Variants in NECAB1 observed in about 807,000 individuals in gnomAD.
NECAB1 encodes N-terminal EF-hand calcium-binding protein 1.
Under a neutral mutation model 57.5 loss-of-function variants are expected in NECAB1, and 29 were observed. That is an observed-to-expected ratio of 0.50 (90% CI 0.38 to 0.69). The LOEUF is 0.69. Ranked by LOEUF, NECAB1 falls within the 30% of genes least tolerant of loss-of-function variation. The pLI, the probability that NECAB1 is intolerant of heterozygous loss-of-function variation, is 0.00. For missense variants in NECAB1, 372 were observed against 413.8 expected, an observed-to-expected ratio of 0.90 and a Z score of 0.88; for synonymous variants, 142 against 147.7, an observed-to-expected ratio of 0.96 and a Z score of 0.28.
intron 3 of NECAB1, among the ~76,000 whole-genome samples, chr8:90,852,728 AAGAC>A (rs2129781837): frequency 6.6e-6 from 1 of 152,270 alleles, no homozygotes; most frequent in Admixed American, 6.5e-5. Context: ...AATCTGGCCA[AAGAC>A]AGTCAGACTT....
chr8:90,890,699 C>T (rs1809141416), intron 5 of NECAB1, among the ~76,000 whole-genome samples: 3 of 152,276 alleles, frequency 2.0e-5, no homozygotes, highest in South Asian at 4.1e-4. Flanking sequence ...AAACTATCAG[C>T]TTTCAAACAA....
At chr8:90,915,895 TGAA>T (rs1024146653) in intron 5 of NECAB1, among the ~76,000 whole-genome samples, 6 of 152,200 alleles carry the variant, frequency 3.9e-5, no homozygotes, top group African/African-American at 1.4e-4. Flanking sequence ...AGAAGAAAGA[TGAA>T]GGCCAGAAGA....
intron 1 of NECAB1, 56 bp downstream of exon 1, chr8:90,792,041 G>A: frequency 1.4e-6 from 2 of 1,403,158 alleles, no homozygotes; most frequent in African/African-American, 1.4e-5. Flanking sequence ...TCTTTTCCCC[G>A]AAAGGAAGGG....
chr8:90,955,112 TTATATATATATATATATATATATATATA>T (rs59244524), intron 12 of NECAB1, among the ~76,000 whole-genome samples: 1 of 70,816 alleles, frequency 1.4e-5, no homozygotes, highest in Non-Finnish European at 2.8e-5. Context: ...GGTATATAAA[TTATATATATATATATATATATATATATA>T]TATATATATG....
intron 5 of NECAB1, among the ~76,000 whole-genome samples, chr8:90,883,431 T>C (rs1049348426): frequency 2.0e-5 from 3 of 152,220 alleles, no homozygotes; most frequent in Admixed American, 2.0e-4. Context: ...TTTTTCTCTA[T>C]ATTTCTACCC....
chr8:90,833,853 C>A (rs1349996585), intron 3 of NECAB1, among the ~76,000 whole-genome samples: 2 of 152,078 alleles, frequency 1.3e-5, no homozygotes, highest in Non-Finnish European at 2.9e-5. Flanking sequence ...AGTTGTTCTC[C>A]ATGAATTCTT....
chr8:90,857,697 A>G (rs927856507), intron 3 of NECAB1, among the ~76,000 whole-genome samples: 3 of 152,112 alleles, frequency 2.0e-5, no homozygotes, highest in African/African-American at 7.2e-5. Context: ...CCAAGCTACA[A>G]TTCTTCCTTG....
chr8:90,801,046 T>A (rs1010908931), intron 1 of NECAB1, among the ~76,000 whole-genome samples: 2 of 151,132 alleles, frequency 1.3e-5, no homozygotes. Flanking sequence ...AGCATAGACA[T>A]GTGGTTACTC....
chr8:90,940,267 T>A (rs112361823), intron 9 of NECAB1: 4 of 153,454 alleles, frequency 2.6e-5, no homozygotes, highest in Admixed American at 6.4e-5. Flanking sequence ...TGGAAATGCA[T>A]GAGTTACTAA....
At chr8:90,833,381 T>A (rs2129726275) in intron 3 of NECAB1, among the ~76,000 whole-genome samples, 1 of 129,544 alleles carries the variant, frequency 7.7e-6, no homozygotes, top group Non-Finnish European at 1.6e-5. Flanking sequence ...GGTTTTCATC[T>A]ATTCCTCCCA....
chr8:90,901,690 T>G (rs575706775), intron 5 of NECAB1, among the ~76,000 whole-genome samples: 112 of 152,330 alleles, frequency 7.4e-4, no homozygotes, highest in Admixed American at 3.2e-3. Context: ...GAAATTTGTA[T>G]AGTACGACCA....
chr8:90,812,971 G>A (rs1811988243), intron 2 of NECAB1: 1 of 152,104 alleles, frequency 6.6e-6, no homozygotes, highest in Non-Finnish European at 1.5e-5. Flanking sequence ...GGCGGATCAC[G>A]AGGTCAGGAG....
At chr8:90,872,366 A>G in intron 4 of NECAB1, 1 of 451,686 alleles carries the variant, frequency 2.2e-6, no homozygotes. Flanking sequence ...TAGTTCGTTC[A>G]TAGAAGAAGA....
chr8:90,855,110 T>C (rs1320777027), intron 3 of NECAB1, among the ~76,000 whole-genome samples: 2 of 152,178 alleles, frequency 1.3e-5, no homozygotes, highest in Non-Finnish European at 2.9e-5. Flanking sequence ...TCACTGTATC[T>C]TGGGCAGAAG....
chr8:90,892,120 A>T (rs1809195397), intron 5 of NECAB1, among the ~76,000 whole-genome samples: 1 of 152,228 alleles, frequency 6.6e-6, no homozygotes, highest in Non-Finnish European at 1.5e-5. Flanking sequence ...AAATATTTGT[A>T]AGGATTTTTC....
intron 2 of NECAB1, among the ~76,000 whole-genome samples, chr8:90,815,181 C>T (rs930855886): frequency 2.0e-5 from 3 of 152,042 alleles, no homozygotes; most frequent in Non-Finnish European, 4.4e-5. Context: ...GAATGTTTAA[C>T]TCATAGCCTA....
At chr8:90,853,782 C>T (rs1875902) in intron 3 of NECAB1, among the ~76,000 whole-genome samples, 6,550 of 152,122 alleles carry the variant, frequency 0.043, 464 homozygotes, top group African/African-American at 0.14. Flanking sequence ...GTCATTGAGA[C>T]GACAAATATT....
intron 1 of NECAB1, among the ~76,000 whole-genome samples, chr8:90,798,167 C>A (rs555273725): frequency 1.6e-3 from 237 of 152,322 alleles, no homozygotes; most frequent in African/African-American, 5.5e-3. Context: ...GGTCTCTATC[C>A]TCTATCTCTG....
chr8:90,872,174 A>G (rs1808633271), intron 4 of NECAB1, 21 bp downstream of exon 4: 1 of 1,533,822 alleles, frequency 6.5e-7, no homozygotes, highest in Non-Finnish European at 8.8e-7. Context: ...CTTTAAGATC[A>G]GTCAAACCTA....
Sources: gnomAD v4.1 joint callset for allele counts (sites outside exome capture counted in the v4.1 genomes callset) on GRCh38, gnomAD v4.1.1 for gene constraint, MANE v1.5 for transcripts, NCBI Gene and HGNC (gene_info 2026-07-23, HGNC 2026-07-21) for gene names.